RSPH9: variants seen among roughly 807,000 people sequenced by gnomAD.
The protein encoded by RSPH9 is radial spoke head component 9, also known as radial spoke head protein 9 homolog.
RSPH9 carries 27 observed loss-of-function variants against 27.0 expected under a neutral mutation model. The ratio of observed to expected loss-of-function variants is 1.00; its 90% CI spans 0.74 to 1.38. The LOEUF (loss-of-function observed/expected upper bound fraction) is 1.38, where lower values mean the gene tolerates loss of function less well. Ranked by LOEUF, RSPH9 falls within the 40% of genes most tolerant of loss-of-function variation. The pLI is 0.00. For missense variants in RSPH9, 347 were observed against 357.4 expected (o/e 0.97, Z 0.24); for synonymous variants, 145 against 147.7 (o/e 0.98, Z 0.13).
chr6:43,652,088 C>T (rs577163838), intron 2 of RSPH9, among the ~76,000 whole-genome samples: 18 of 151,556 alleles, frequency 1.2e-4, no homozygotes, highest in Non-Finnish European at 1.5e-4. Flanking sequence ...GGGTGGATCA[C>T]GACGTCAGGA....
intron 2 of RSPH9, among the ~76,000 whole-genome samples, chr6:43,653,446 CAAAAAAA>C (rs79873267): frequency 1.3e-5 from 1 of 75,468 alleles, no homozygotes; most frequent in Admixed American, 1.4e-4. Context: ...GACTCCGTCT[CAAAAAAA>C]AAAAAAAAAA....
intron 2 of RSPH9, among the ~76,000 whole-genome samples, chr6:43,653,267 T>C (rs998366478): frequency 2.0e-5 from 3 of 152,014 alleles, no homozygotes; most frequent in African/African-American, 4.8e-5. Flanking sequence ...ATGGCCAACA[T>C]AGTGAAACTC....
chr6:43,647,028 G>A (rs1188897979), intron 1 of RSPH9, among the ~76,000 whole-genome samples: 1 of 151,908 alleles, frequency 6.6e-6, no homozygotes, highest in African/African-American at 2.4e-5. Flanking sequence ...CCAGCTACTC[G>A]GTAGGCTGAG....
chr6:43,668,568 C>G (rs1202172342), intron 4 of RSPH9, among the ~76,000 whole-genome samples: 1 of 152,194 alleles, frequency 6.6e-6, no homozygotes, highest in Admixed American at 6.5e-5. Flanking sequence ...CACTGCCCCC[C>G]GCCCCCTGCA....
intron 4 of RSPH9, among the ~76,000 whole-genome samples, chr6:43,659,468 C>T (rs914442358): frequency 6.6e-5 from 10 of 151,720 alleles, no homozygotes; most frequent in South Asian, 2.1e-4. Context: ...CTGCAAGCTC[C>T]GCCTCCCGGG....
chr6:43,671,355 C>T lies in RSPH9; in HGVS notation c.*406C>T, dbSNP rs1773686062. The stretch of plus-strand genomic sequence containing the variant: ...CCCATGAATTCAATTGACTCATTGG[C>T]CCCATCACAAGAGATCAGTGACTCA... On this transcript the variant is annotated 3_prime_UTR_variant, in exon 5 of 5. Transcript: ENST00000372163. 2.5e-6 allele frequency: 1 copy of T among 399,622 alleles called. No homozygotes were observed. Among genetic ancestry groups the T allele is most frequent in the East Asian group, 5.3e-5 (1 of 18,922 alleles). 24.8% of individuals were successfully genotyped at this position (399,622 alleles called of 1,614,324 possible). A position where few individuals can be genotyped will look rare whatever the true frequency, so the allele number is the denominator to read the frequency against.
intron 1 of RSPH9, among the ~76,000 whole-genome samples, chr6:43,645,718 G>A (rs1770786928): frequency 6.6e-6 from 1 of 152,256 alleles, no homozygotes; most frequent in Non-Finnish European, 1.5e-5. Context: ...GAAGGTTTCT[G>A]GAAAATGCGG....
intron 1 of RSPH9, among the ~76,000 whole-genome samples, chr6:43,647,319 A>T (rs1417257171): frequency 6.6e-6 from 1 of 152,162 alleles, no homozygotes; most frequent in Non-Finnish European, 1.5e-5. Context: ...ATAGGCCATG[A>T]GGAGCTACTG....
rs201263407 is a variant in RSPH9 at position 43,664,203 on chromosome 6, GTGATGA to G, written c.671-6566_671-6561del. Among the ~76,000 whole-genome samples the G allele has an allele frequency of 6.3e-3, 962 of 151,984 alleles. 16 individuals carry two copies. The highest frequency in any genetic ancestry group is 0.06 in the East Asian group (310 of 5,154). ...AAGAGCAATATATCAAAGTAAACCTGTGATGATGATGATGATGATGATGATTATTTT... is the reference window on the plus strand; with the variant it reads ...AAGAGCAATATATCAAAGTAAACCTGTGATGATGATGATGATGATTATTTT... On this transcript the variant is annotated intron_variant, in intron 4 of 4. Coordinates refer to ENST00000372163, the MANE Select transcript of RSPH9 (RefSeq NM_152732.5).
intron 3 of RSPH9, among the ~76,000 whole-genome samples, chr6:43,656,028 C>CCTTT (rs749897791): frequency 1.5e-5 from 2 of 132,076 alleles, no homozygotes; most frequent in Non-Finnish European, 3.1e-5. Context: ...TTCCTTCCTT[C>CCTTT]CTTCCTTCCC....
At position 43,671,196 on chromosome 6, in the gene RSPH9, G is replaced by C. The variant is rs570380575; in HGVS notation, c.*247G>C. 3.4e-5 allele frequency: 20 copies of C among 590,864 alleles called. No individual in the cohort carries two copies. Among genetic ancestry groups the C allele is most frequent in the Non-Finnish European group, 5.7e-5 (19 of 334,002 alleles). The allele number at this position is 590,864 out of a possible 1,614,324, so 36.6% of individuals were successfully genotyped here. A position where few individuals can be genotyped will look rare whatever the true frequency, so the allele number is the denominator to read the frequency against. ...GGCTGTGGGAGAAGGTGACAACCAGGGCCCCTTTGAGGAACGCAGTTTCTT... is the reference window on the plus strand; with the variant it reads ...GGCTGTGGGAGAAGGTGACAACCAGCGCCCCTTTGAGGAACGCAGTTTCTT... On this transcript the variant is annotated 3_prime_UTR_variant, in exon 5 of 5. Transcript: ENST00000372163.
At chr6:43,667,060 A>C (rs1773214944) in intron 4 of RSPH9, among the ~76,000 whole-genome samples, 1 of 152,166 alleles carries the variant, frequency 6.6e-6, no homozygotes. Context: ...CTAGATTCCT[A>C]GGTAGTATCT....
At chr6:43,653,872 G>A (rs9472098) in intron 2 of RSPH9, among the ~76,000 whole-genome samples, 29,836 of 151,938 alleles carry the variant, frequency 0.2, 6,405 homozygotes, top group African/African-American at 0.54. Flanking sequence ...TTGTATTTTT[G>A]GTAGAGACAG....
intron 4 of RSPH9, among the ~76,000 whole-genome samples, chr6:43,663,889 G>T (rs1018717164): frequency 1.3e-5 from 2 of 151,764 alleles, no homozygotes; most frequent in Non-Finnish European, 2.9e-5. Context: ...AATTAGCCAG[G>T]TGTAGTGTGC....
At chr6:43,653,064 C>T (rs879492391) in intron 2 of RSPH9, among the ~76,000 whole-genome samples, 30 of 152,140 alleles carry the variant, frequency 2.0e-4, no homozygotes, top group Non-Finnish European at 4.3e-4. Flanking sequence ...AGCAATCCTC[C>T]CACCTCAGCC....
At chr6:43,659,525 G>A (rs1772391549) in intron 4 of RSPH9, among the ~76,000 whole-genome samples, 1 of 151,616 alleles carries the variant, frequency 6.6e-6, no homozygotes, top group Non-Finnish European at 1.5e-5. Flanking sequence ...TGGGACTACA[G>A]GCGCCCGCCG....
chr6:43,671,085 G>A lies in RSPH9; in HGVS notation c.*136G>A, dbSNP rs779255490. 12 of 1,060,708 alleles carry A rather than the reference G, an allele frequency of 1.1e-5. No homozygotes were observed. Among genetic ancestry groups the A allele is most frequent in the African/African-American group, 1.6e-5 (1 of 63,540 alleles). 65.7% of individuals were successfully genotyped at this position (1,060,708 alleles called of 1,614,324 possible). ...GGTTCCAGATTCTGAAAGGCCCACT[G>A]AGCCAGGGAGCTCATTTCTAAACCA... On this transcript the variant is annotated 3_prime_UTR_variant, in exon 5 of 5. Transcript: ENST00000372163.
chr6:43,668,897 C>T (rs975962081), intron 4 of RSPH9, among the ~76,000 whole-genome samples: 2 of 152,268 alleles, frequency 1.3e-5, no homozygotes, highest in South Asian at 2.1e-4. Flanking sequence ...GGAATCGGAT[C>T]TCCCTGGGTC....
At chr6:43,650,927 A>G (rs1021889742) in intron 2 of RSPH9, among the ~76,000 whole-genome samples, 1 of 150,920 alleles carries the variant, frequency 6.6e-6, no homozygotes, top group Non-Finnish European at 1.5e-5. Flanking sequence ...AAAGAAAAGA[A>G]AAAAAAGAAA....
Sources: gnomAD v4.1 joint callset for allele counts (sites outside exome capture counted in the v4.1 genomes callset) on GRCh38, gnomAD v4.1.1 for gene constraint, MANE v1.5 for transcripts, NCBI Gene and HGNC (gene_info 2026-07-23, HGNC 2026-07-21) for gene names.